The following AGFG2 variants were observed in gnomAD, a reference collection of about 807,000 sequenced individuals.
AGFG2 encodes the protein arf-GAP domain and FG repeat-containing protein 2.
AGFG2 carries 31 observed loss-of-function variants against 48.0 expected under a neutral mutation model. That is an observed-to-expected ratio of 0.65 (90% CI 0.49 to 0.87). The LOEUF is 0.87. Ranked by LOEUF, AGFG2 falls within the 40% of genes least tolerant of loss-of-function variation. The probability of loss-of-function intolerance (pLI) is 0.00; values close to 1 mark genes in which losing one functional copy is unlikely to be tolerated. For missense variants in AGFG2, 599 were observed against 632.6 expected (o/e 0.95, Z 0.57); for synonymous variants, 229 against 260.8 (o/e 0.88, Z 1.18).
chr7:100,539,322 A>C lies in AGFG2; in HGVS notation c.-25A>C. The C allele has an allele frequency of 1.6e-6, 2 of 1,275,428 alleles. No homozygotes were observed. The highest frequency in any genetic ancestry group is 2.0e-6 in the Non-Finnish European group (2 of 1,007,298). 79.0% of individuals were successfully genotyped at this position (1,275,428 alleles called of 1,614,324 possible). ...GCAGTGGTTGAAGGGGTGATTGCTG[A>C]CTAGCGGGGAGGGAGTGGGCAGCGA... On this transcript the variant is annotated 5_prime_UTR_variant, in exon 1 of 12. Coordinates refer to ENST00000300176, the MANE Select transcript of AGFG2 (RefSeq NM_006076.5).
At chr7:100,547,049 T>C (rs1425792316) in intron 1 of AGFG2, among the ~76,000 whole-genome samples, 2 of 152,184 alleles carry the variant, frequency 1.3e-5, no homozygotes, top group African/African-American at 4.8e-5. Flanking sequence ...GCAAACAGCG[T>C]CAACTGGAGC....
intron 6 of AGFG2, among the ~76,000 whole-genome samples, chr7:100,561,744 C>T (rs991933690): frequency 1.3e-5 from 2 of 152,232 alleles, no homozygotes; most frequent in Admixed American, 6.5e-5. Flanking sequence ...GGCACTGGGG[C>T]GGCCTCCCGA....
chr7:100,549,714 G>A (rs553215738), intron 2 of AGFG2, among the ~76,000 whole-genome samples: 1 of 151,942 alleles, frequency 6.6e-6, no homozygotes, highest in South Asian at 2.1e-4. Context: ...TCAGAGACAA[G>A]CTCTTGCTTG....
intron 6 of AGFG2, among the ~76,000 whole-genome samples, chr7:100,559,957 A>G (rs1300481967): frequency 1.3e-5 from 2 of 152,100 alleles, no homozygotes; most frequent in Non-Finnish European, 2.9e-5. Context: ...TCTGCCCCCT[A>G]GTGTCCACAG....
In AGFG2 at chr7:100,566,148, A is replaced by C. The variant is rs1409870044; in HGVS notation, c.*1157A>C. On this transcript the variant is annotated 3_prime_UTR_variant, in exon 12 of 12. Transcript: ENST00000300176. ...ACAGGGCAGAGCCCGTCCCTGTCTG[A>C]ACAAGAGTCCCGCATTAGCAATGAG... 1 of 152,196 alleles carries C rather than the reference A, an allele frequency of 6.6e-6. No individual in the cohort carries two copies. The highest frequency in any genetic ancestry group is 1.5e-5 in the Non-Finnish European group (1 of 68,030). The allele number at this position is 152,196 out of a possible 1,614,324, so 9.4% of individuals were successfully genotyped here.
intron 3 of AGFG2, among the ~76,000 whole-genome samples, chr7:100,550,873 T>G (rs1354416312): frequency 6.7e-6 from 1 of 149,478 alleles, no homozygotes; most frequent in Non-Finnish European, 1.5e-5. Flanking sequence ...ATTTTTTTTT[T>G]TTTTTGAGAC....
Position 100,562,478 on chromosome 7 carries a change from C to T in AGFG2, c.998+99C>T. 1 of 1,597,464 alleles carries T rather than the reference C, an allele frequency of 6.3e-7. No homozygotes were observed. The highest frequency in any genetic ancestry group is 8.5e-7 in the Non-Finnish European group (1 of 1,170,890). On this transcript the variant is annotated intron_variant, in intron 7 of 11. Transcript: ENST00000300176. The surrounding 1 kb of genome is among the most constrained non-coding windows in gnomAD (Gnocchi z 5.4). ...CCATCGGCATCTCCTGGCAGTTCTC[C>T]CCTCCCCTCCTCTCCCTTACTCACC...
chr7:100,553,938 TAAGGCAGCTCCTGCCCAGGAATCTTCTA>T (rs1800702229), intron 4 of AGFG2, among the ~76,000 whole-genome samples, 127 bp from the exon 5 acceptor site: 1 of 152,330 alleles, frequency 6.6e-6, no homozygotes, highest in Non-Finnish European at 1.5e-5. Flanking sequence ...TGAGAGGGGC[TAAGGCAGCTCCTGCCCAGGAATCTTCTA>T]GGTTGAGGGC....
In AGFG2 at chr7:100,562,863, C is replaced by T; in HGVS notation, c.1088C>T (p.Ala363Val). 2 of 1,614,062 alleles carry T rather than the reference C, an allele frequency of 1.2e-6. No individual in the cohort carries two copies. Among genetic ancestry groups the T allele is most frequent in the Non-Finnish European group, 1.7e-6 (2 of 1,179,916 alleles). Residue 363 changes from alanine (A) to valine (V), a missense_variant and splice_region_variant, in exon 9 of 12, where the codon GCC becomes GTC. Physicochemically the swap from Ala to Val is moderately conservative, Grantham distance 64 (BLOSUM62 0). Transcript: ENST00000300176. The surrounding 1 kb of genome is among the most constrained non-coding windows in gnomAD (Gnocchi z 5.4). ...GGSSTGLAFG[A>V]FTNPFTAPAA... ...GCCGCTCCCCATTCCACCTGGGCAG[C>T]CTTCACTAACCCTTTCACAGCTCCC...
chr7:100,555,583 T>C, intron 5 of AGFG2, 27 bp from the exon 6 acceptor site: 1 of 1,607,108 alleles, frequency 6.2e-7, no homozygotes, highest in Non-Finnish European at 8.5e-7. Context: ...ATTTTCTATA[T>C]AACCTTTATG....
intron 6 of AGFG2, chr7:100,555,999 A>G (rs1208129851): frequency 5.6e-6 from 2 of 359,754 alleles, no homozygotes; most frequent in Admixed American, 3.8e-5. Context: ...ACTTTTCACT[A>G]GGAAGTATGG....
intron 1 of AGFG2, among the ~76,000 whole-genome samples, chr7:100,542,367 C>A (rs1027566469): frequency 6.6e-6 from 1 of 152,168 alleles, no homozygotes; most frequent in African/African-American, 2.4e-5. Flanking sequence ...GTGATTCTCA[C>A]AGAGGAGGAT....
In AGFG2 at chr7:100,567,883, T is replaced by A. The variant is rs956926798; in HGVS notation, c.*2892T>A. 2.0e-5 allele frequency: 3 copies of A among 152,230 alleles called. No homozygotes were observed. The highest frequency in any genetic ancestry group is 4.4e-5 in the Non-Finnish European group (3 of 68,026). The allele number at this position is 152,230 out of a possible 1,614,324, so 9.4% of individuals were successfully genotyped here. A position where few individuals can be genotyped will look rare whatever the true frequency, so the allele number is the denominator to read the frequency against. On this transcript the variant is annotated 3_prime_UTR_variant, in exon 12 of 12. Coordinates refer to ENST00000300176, the MANE Select transcript of AGFG2 (RefSeq NM_006076.5). Reference sequence around the variant, plus strand: ...TGAAATAAATCTTTTCCGGGTAGGGTCAAGGGCAGTGTGTTGCCAAGGCAA... The same window carrying A: ...TGAAATAAATCTTTTCCGGGTAGGGACAAGGGCAGTGTGTTGCCAAGGCAA...
At position 100,554,170 on chromosome 7, in the gene AGFG2, C is replaced by T; in HGVS notation, c.663C>T (p.Ala221=). The change falls in exon 5 of 12, where the codon GCC becomes GCT. Residue 221 remains alanine (A), a synonymous_variant. Coordinates refer to ENST00000300176, the MANE Select transcript of AGFG2 (RefSeq NM_006076.5). ...QPPPHSSVKK[A]STDLLADIGG... The stretch of plus-strand genomic sequence containing the variant: ...CTCCCCACTCCTCTGTCAAAAAAGC[C>T]AGTACTGACCTGCTGGCTGACATCG... 6.2e-7 allele frequency: 1 copy of T among 1,614,214 alleles called. No individual in the cohort carries two copies. Among genetic ancestry groups the T allele is most frequent in the Non-Finnish European group, 8.5e-7 (1 of 1,180,032 alleles).
intron 1 of AGFG2, among the ~76,000 whole-genome samples, chr7:100,544,089 C>T (rs990538953): frequency 5.3e-5 from 8 of 152,214 alleles, no homozygotes; most frequent in African/African-American, 1.9e-4. Context: ...CTGAATGCGT[C>T]TGTGAATGAA....
intron 5 of AGFG2, 44 bp downstream of exon 5, chr7:100,554,302 T>G: frequency 6.4e-7 from 1 of 1,566,954 alleles, no homozygotes; most frequent in Non-Finnish European, 8.7e-7. Context: ...GCGTATATGC[T>G]TACAACATGA....
chr7:100,556,958 G>A (rs1800770810), intron 6 of AGFG2, among the ~76,000 whole-genome samples: 1 of 152,196 alleles, frequency 6.6e-6, no homozygotes, highest in Non-Finnish European at 1.5e-5. Context: ...AGCACTTTGG[G>A]AGGCCCAGGT....
chr7:100,565,274 A>G lies in AGFG2; in HGVS notation c.*283A>G. The G allele has an allele frequency of 1.9e-6, 1 of 519,080 alleles. No individual in the cohort carries two copies. 32.2% of individuals were successfully genotyped at this position (519,080 alleles called of 1,614,324 possible). A position where few individuals can be genotyped will look rare whatever the true frequency, so the allele number is the denominator to read the frequency against. On this transcript the variant is annotated 3_prime_UTR_variant, in exon 12 of 12. Coordinates refer to ENST00000300176, the MANE Select transcript of AGFG2 (RefSeq NM_006076.5). ...GAGGGGGAGGGATTTTTTTCAAATG[A>G]TCAGTCCCCTGTGGAACAGCTCTTC... is the stretch of plus-strand genomic sequence containing the variant.
chr7:100,558,605 A>C (rs1212565940), intron 6 of AGFG2, among the ~76,000 whole-genome samples: 1 of 150,742 alleles, frequency 6.6e-6, no homozygotes, highest in Non-Finnish European at 1.5e-5. Flanking sequence ...GTAGTGGCAC[A>C]ATCTCGGCTC....
Sources: gnomAD v4.1 joint callset for allele counts (sites outside exome capture counted in the v4.1 genomes callset) on GRCh38, gnomAD v4.1.1 for gene constraint, Gnocchi (gnomAD v3.1) non-coding constraint, MANE v1.5 for transcripts, NCBI Gene and HGNC (gene_info 2026-07-23, HGNC 2026-07-21) for gene names.